HSD17B12: variants seen among roughly 807,000 people sequenced by gnomAD.
HSD17B12 encodes hydroxysteroid 17-beta dehydrogenase 12.
In HSD17B12, 32 loss-of-function variants were observed where a neutral mutation model predicts 39.3. The observed-to-expected ratio is 0.81, with a 90% CI of 0.61 to 1.09. HSD17B12 has a LOEUF of 1.09. Ranked by LOEUF, HSD17B12 falls within the 50% of genes least tolerant of loss-of-function variation. HSD17B12 has a pLI of 0.00. For missense variants in HSD17B12, 342 were observed against 382.9 expected, an observed-to-expected ratio of 0.89 and a Z score of 0.89; for synonymous variants, 150 against 146.7, an observed-to-expected ratio of 1.02 and a Z score of -0.16.
In HSD17B12 at chr11:43,689,914, T is replaced by TA. The variant is rs539144571; in HGVS notation, c.160+8928dup. ...CCTCTGACCTCATCTCCACTACTCTTACTCCGTTCCACCCACATACACCTC... is the reference window on the plus strand; with the variant it reads ...CCTCTGACCTCATCTCCACTACTCTTAACTCCGTTCCACCCACATACACCTC... On this transcript the variant is annotated intron_variant, in intron 1 of 10. Transcript: ENST00000278353. Among the ~76,000 whole-genome samples the TA allele has an allele frequency of 4.5e-4, 68 of 152,208 alleles. No homozygotes were observed. In the South Asian group the frequency reaches 0.014, roughly 31 times the overall value.
At chr11:43,556,722 T>C in the HSD17B12 span, among the ~76,000 whole-genome samples, 1 of 122,340 alleles carries the variant, frequency 8.2e-6, no homozygotes, top group Admixed American at 9.4e-5. Flanking sequence ...CTCTTCTCCC[T>C]CTCCCTCCAA....
the HSD17B12 span, among the ~76,000 whole-genome samples, chr11:43,657,124 C>G: frequency 2.0e-5 from 3 of 152,292 alleles, no homozygotes; most frequent in Admixed American, 2.0e-4. Flanking sequence ...CTTAGTTCTT[C>G]TTGTTGAATT....
the HSD17B12 span, among the ~76,000 whole-genome samples, chr11:43,612,851 T>A: frequency 6.6e-6 from 1 of 152,016 alleles, no homozygotes; most frequent in East Asian, 1.9e-4. Flanking sequence ...TTAGAAGGGG[T>A]GGCATTTGCT....
At chr11:43,626,054 G>A in the HSD17B12 span, among the ~76,000 whole-genome samples, 13 of 151,512 alleles carry the variant, frequency 8.6e-5, no homozygotes, top group East Asian at 1.7e-3. Context: ...TTATTTTCAC[G>A]AAAAGCAATG....
chr11:43,562,932 A>T, the HSD17B12 span, among the ~76,000 whole-genome samples: 2 of 152,168 alleles, frequency 1.3e-5, no homozygotes, highest in African/African-American at 4.8e-5. Context: ...GTGGGAGAAG[A>T]TCATCTGCAT....
chr11:43,758,857 G>T (rs1192345623), intron 3 of HSD17B12, among the ~76,000 whole-genome samples: 1 of 152,108 alleles, frequency 6.6e-6, no homozygotes, highest in Non-Finnish European at 1.5e-5. Context: ...ACCACTTATT[G>T]CATAATGGAT....
chr11:43,684,468 C>G (rs1208829612), intron 1 of HSD17B12, among the ~76,000 whole-genome samples: 1 of 152,188 alleles, frequency 6.6e-6, no homozygotes, highest in African/African-American at 2.4e-5. Context: ...TGAGTAGTTT[C>G]CATTGCTGGA....
chr11:43,579,826 C>A, the HSD17B12 span, among the ~76,000 whole-genome samples: 1 of 151,780 alleles, frequency 6.6e-6, no homozygotes, highest in Admixed American at 6.5e-5. Context: ...GTGCCTCCAC[C>A]GTCGAGAGAC....
At chr11:43,787,967 A>G (rs1471728870) in intron 3 of HSD17B12, among the ~76,000 whole-genome samples, 2 of 152,166 alleles carry the variant, frequency 1.3e-5, no homozygotes, top group Non-Finnish European at 2.9e-5. Flanking sequence ...ATCTCATAAG[A>G]ACAAAGTGAC....
intron 4 of HSD17B12, among the ~76,000 whole-genome samples, chr11:43,815,008 A>G (rs1474561276): frequency 6.6e-6 from 1 of 152,206 alleles, no homozygotes. Context: ...CCCAAATCAC[A>G]TGTTTTCTGA....
At chr11:43,628,256 C>A in the HSD17B12 span, among the ~76,000 whole-genome samples, 1 of 151,894 alleles carries the variant, frequency 6.6e-6, no homozygotes, top group South Asian at 2.1e-4. Flanking sequence ...CCAAAAAAAA[C>A]CTTCTGGTCT....
the HSD17B12 span, among the ~76,000 whole-genome samples, chr11:43,617,715 A>G: frequency 6.6e-6 from 1 of 152,078 alleles, no homozygotes; most frequent in Admixed American, 6.6e-5. Flanking sequence ...ACAGCCGTGA[A>G]CAGGGTCATA....
the HSD17B12 span, among the ~76,000 whole-genome samples, chr11:43,615,299 A>G: frequency 9.9e-5 from 15 of 152,166 alleles, no homozygotes; most frequent in African/African-American, 3.1e-4. Flanking sequence ...CAGAACTCCA[A>G]TGTCTTCCTA....
chr11:43,648,740 T>G, the HSD17B12 span, among the ~76,000 whole-genome samples: 1 of 136,224 alleles, frequency 7.3e-6, no homozygotes, highest in Non-Finnish European at 1.6e-5. Context: ...TTTGTTTTTT[T>G]GTTTTGAGAC....
chr11:43,760,708 G>A (rs1047477745), intron 3 of HSD17B12, among the ~76,000 whole-genome samples: 3 of 152,232 alleles, frequency 2.0e-5, no homozygotes, highest in East Asian at 3.9e-4. Flanking sequence ...CCATTAATAC[G>A]ATGCCTTGTT....
chr11:43,684,364 T>C (rs1949777999), intron 1 of HSD17B12, among the ~76,000 whole-genome samples: 1 of 152,220 alleles, frequency 6.6e-6, no homozygotes, highest in Admixed American at 6.5e-5. Flanking sequence ...GGTCAGTTTG[T>C]ATTAAATAAA....
chr11:43,790,957 G>A (rs2135030479), intron 3 of HSD17B12, among the ~76,000 whole-genome samples: 1 of 152,244 alleles, frequency 6.6e-6, no homozygotes, highest in Middle Eastern at 3.4e-3. Context: ...TTGCACCATT[G>A]CATTCCAGCC....
At chr11:43,703,464 G>A (rs1248832366) in intron 1 of HSD17B12, among the ~76,000 whole-genome samples, 1 of 152,186 alleles carries the variant, frequency 6.6e-6, no homozygotes, top group East Asian at 1.9e-4. Context: ...AAAGTGCTGG[G>A]ATTACAGGTG....
intron 7 of HSD17B12, among the ~76,000 whole-genome samples, chr11:43,837,190 T>C (rs1042770237): frequency 6.6e-6 from 1 of 152,166 alleles, no homozygotes; most frequent in Non-Finnish European, 1.5e-5. Flanking sequence ...TTCAGATTTA[T>C]GCCTAAAATA....
Sources: allele counts gnomAD v4.1 joint callset (sites outside exome capture counted in the v4.1 genomes callset), GRCh38; gene constraint gnomAD v4.1.1; transcripts MANE v1.5; gene names NCBI Gene and HGNC (gene_info 2026-07-23, HGNC 2026-07-21).